ENGASE: variants seen among roughly 807,000 people sequenced by gnomAD.
The protein encoded by ENGASE is endo-beta-N-acetylglucosaminidase.
In ENGASE, 69 loss-of-function variants were observed where a neutral mutation model predicts 78.5. The observed-to-expected ratio is 0.88, with a 90% CI of 0.72 to 1.07. The LOEUF (loss-of-function observed/expected upper bound fraction) is 1.07, where lower values mean the gene tolerates loss of function less well. Among genes scored for constraint, ENGASE ranks in the 50% least tolerant of loss-of-function variants. The pLI is 0.00. For missense variants in ENGASE, 943 were observed against 988.4 expected (o/e 0.95, Z 0.62); for synonymous variants, 408 against 408.9 (o/e 1.00, Z 0.03).
chr17:79,081,129 T>C (rs1337606484), intron 6 of ENGASE, 56 bp downstream of exon 6: 8 of 744,808 alleles, frequency 1.1e-5, no homozygotes, highest in Non-Finnish European at 1.5e-5. Context: ...GGGCGGGTAC[T>C]GTGAGGGGTG....
Position 79,081,066 on chromosome 17 carries a change from C to T in ENGASE, c.865C>T (p.His289Tyr). The change falls in exon 6 of 14, where the codon CAC becomes TAC. Residue 289 changes from histidine (H) to tyrosine (Y), a missense_variant. Transcript: ENST00000579016. ...CAAATGGCAAGACGAACTCAACCAG[C>T]ACAACAGGTGAGCCTGCAGACAGGT... The part of the protein sequence containing the change: ...QLKWQDELNQ[H>Y]NRVFFDSCDG... The T allele has an allele frequency of 2.6e-6, 4 of 1,566,092 alleles. No homozygotes were observed. Among genetic ancestry groups the T allele is most frequent in the Non-Finnish European group, 3.5e-6 (4 of 1,152,310 alleles).
At position 79,083,874 on chromosome 17, in the gene ENGASE, G is replaced by A. The variant is rs1432190699; in HGVS notation, c.1365G>A (p.Leu455=). 1.2e-6 allele frequency: 2 copies of A among 1,612,612 alleles called. No homozygotes were observed. The highest frequency in any genetic ancestry group is 1.7e-5 in the Admixed American group (1 of 59,878). Residue 455 remains leucine (L), a synonymous_variant, in exon 10 of 14, where the codon CTG becomes CTA. Coordinates refer to ENST00000579016, the MANE Select transcript of ENGASE (RefSeq NM_001042573.3). The surrounding 1 kb of genome is among the most constrained non-coding windows in gnomAD (Gnocchi z 4.9). The part of the protein sequence containing the change: ...GRGWVRTHCC[L]EDAWHGGSSL... ...GCTGGGTGAGGACGCACTGCTGCCT[G>A]GAGGATGCCTGGCACGGAGGCAGCT...
chr17:79,077,451 G>A lies in ENGASE; in HGVS notation c.168G>A (p.Glu56=). Residue 56 remains glutamate (E), a synonymous_variant, in exon 2 of 14, where the codon GAG becomes GAA. Transcript: ENST00000579016. ...PGRSIKDEEE[E]TVFREVVSFS... ...TTAGCATCAAAGATGAAGAAGAAGA[G>A]ACAGTCTTTCGAGAGGTGGTCAGTT... The A allele has an allele frequency of 6.3e-7, 1 of 1,587,654 alleles. No individual in the cohort carries two copies. The highest frequency in any genetic ancestry group is 8.5e-7 in the Non-Finnish European group (1 of 1,171,614).
At chr17:79,084,433 A>G in intron 10 of ENGASE, 105 bp from the exon 11 acceptor site, 1 of 1,201,160 alleles carries the variant, frequency 8.3e-7, no homozygotes, top group South Asian at 1.7e-5. Flanking sequence ...TTTGGCACCC[A>G]GGCCCCCTGT....
At chr17:79,082,829 C>G in intron 7 of ENGASE, 191 bp from the exon 8 acceptor site, 1 of 1,527,818 alleles carries the variant, frequency 6.5e-7, no homozygotes, top group Non-Finnish European at 8.8e-7. Flanking sequence ...CCCGCGCCCT[C>G]TTCTGGCGGG....
intron 1 of ENGASE, among the ~76,000 whole-genome samples, chr17:79,076,593 G>A (rs1599330303): frequency 6.6e-6 from 1 of 152,274 alleles, no homozygotes; most frequent in East Asian, 1.9e-4. Context: ...AAAAGAAAGT[G>A]GTTTGAGATG....
At chr17:79,082,185 G>C (rs548593245) in intron 7 of ENGASE, 122 bp downstream of exon 7, 143 of 1,582,066 alleles carry the variant, frequency 9.0e-5, no homozygotes, top group Admixed American at 3.5e-4. Flanking sequence ...TCTTCCCAGA[G>C]TGGGGATCCC....
At chr17:79,081,840 G>T (rs541914209) in intron 6 of ENGASE, 58 bp from the exon 7 acceptor site, 5 of 1,553,432 alleles carry the variant, frequency 3.2e-6, no homozygotes, top group South Asian at 2.5e-5. Flanking sequence ...CAGGGTTGGT[G>T]GGGGTGGCCC....
In ENGASE at chr17:79,074,882, C is replaced by T. The variant is rs2145960756; in HGVS notation, c.-63C>T. The stretch of plus-strand genomic sequence containing the variant: ...GTCAGCGCTGCGCACTTCCCATTGG[C>T]CGAGCGCGGCGCGGGGGCGGGCCCG... On this transcript the variant is annotated 5_prime_UTR_variant, in exon 1 of 14. Transcript: ENST00000579016. 6.5e-6 allele frequency: 8 copies of T among 1,233,252 alleles called. No individual in the cohort carries two copies. In the South Asian group the frequency reaches 2.7e-4, roughly 41 times the overall value. 76.4% of individuals were successfully genotyped at this position (1,233,252 alleles called of 1,614,324 possible).
rs1482034982 is a variant in ENGASE, at chr17:79,083,846, G to A, written c.1337G>A (p.Arg446Gln). 9 of 1,612,460 alleles carry A rather than the reference G, an allele frequency of 5.6e-6. No homozygotes were observed. Among genetic ancestry groups the A allele is most frequent in the South Asian group, 3.3e-5 (3 of 90,986 alleles). Residue 446 changes from arginine to glutamine, a missense_variant, in exon 10 of 14, where the codon CGG (arginine) becomes CAG (glutamine). Transcript: ENST00000579016. The surrounding 1 kb of genome is among the most constrained non-coding windows in gnomAD (Gnocchi z 4.9). ...FGEHRLGGDG[R>Q]GWVRTHCCLE... ...GAACACAGGCTGGGAGGGGATGGCC[G>A]GGGCTGGGTGAGGACGCACTGCTGC... is the stretch of plus-strand genomic sequence containing the variant.
intron 6 of ENGASE, among the ~76,000 whole-genome samples, chr17:79,081,378 T>G (rs879677547): frequency 9.9e-5 from 15 of 152,238 alleles, no homozygotes; most frequent in African/African-American, 3.6e-4. Context: ...GGTGGGCACC[T>G]GTAGCCCCAG....
In ENGASE at chr17:79,083,203, T is replaced by A; in HGVS notation, c.1142+80T>A. Reference sequence around the variant, plus strand: ...TGGTGTCTCTGATAGGACACGTTTGTGCTCTTTAGTGACCCTTCCTATGGG... The same window carrying A: ...TGGTGTCTCTGATAGGACACGTTTGAGCTCTTTAGTGACCCTTCCTATGGG... On this transcript the variant is annotated intron_variant, in intron 8 of 13. Transcript: ENST00000579016. This position sits in a 1 kb window ranked among gnomAD's most constrained non-coding sequence, Gnocchi z 4.9. 3 of 1,063,762 alleles carry A rather than the reference T, an allele frequency of 2.8e-6. No homozygotes were observed. In the South Asian group the frequency reaches 4.1e-5, roughly 15 times the overall value. The allele number at this position is 1,063,762 out of a possible 1,614,324, so 65.9% of individuals were successfully genotyped here.
chr17:79,084,122 AC>A, intron 10 of ENGASE, 171 bp downstream of exon 10: 1 of 631,540 alleles, frequency 1.6e-6, no homozygotes, highest in Non-Finnish European at 2.7e-6. Context: ...CACCATCTTG[AC>A]CCTGTTGAAG....
In ENGASE at chr17:79,083,864, A is replaced by ACTG; in HGVS notation, c.1360_1362dup (p.Cys454dup). 6.2e-7 allele frequency: 1 copy of ACTG among 1,612,650 alleles called. No homozygotes were observed. Among genetic ancestry groups the ACTG allele is most frequent in the Non-Finnish European group, 8.5e-7 (1 of 1,179,816 alleles). ...GATGGCCGGGGCTGGGTGAGGACGC[A>ACTG]CTGCTGCCTGGAGGATGCCTGGCAC... On this transcript the variant is annotated inframe_insertion, in exon 10 of 14. Coordinates refer to ENST00000579016, the MANE Select transcript of ENGASE (RefSeq NM_001042573.3). The surrounding 1 kb of genome is among the most constrained non-coding windows in gnomAD (Gnocchi z 4.9).
At position 79,079,546 on chromosome 17, in the gene ENGASE, C is replaced by T. The variant is rs201681138; in HGVS notation, c.474C>T (p.Ile158=). ...ATGCTTTCTACCACTGGCAGTGCATCGACGTCTTTGTGTACTTCAGCCACC... is the reference window on the plus strand; with the variant it reads ...ATGCTTTCTACCACTGGCAGTGCATTGACGTCTTTGTGTACTTCAGCCACC... ...TPYAFYHWQC[I]DVFVYFSHHT... Residue 158 remains isoleucine (I), a synonymous_variant, in exon 4 of 14, where the codon ATC becomes ATT. Coordinates refer to ENST00000579016, the MANE Select transcript of ENGASE (RefSeq NM_001042573.3). The T allele has an allele frequency of 2.2e-5, 35 of 1,614,104 alleles. No homozygotes were observed. The Admixed American group carries it at 3.2e-4, about 15-fold the overall frequency.
chr17:79,081,156 G>A, intron 6 of ENGASE, 83 bp downstream of exon 6: 1 of 1,345,984 alleles, frequency 7.4e-7, no homozygotes, highest in South Asian at 1.4e-5. Context: ...GCAAGGGGCG[G>A]GCGCAGTCTC....
At chr17:79,085,902 T>C (rs1243634984) in intron 13 of ENGASE, 31 bp from the exon 14 acceptor site, 4 of 1,578,504 alleles carry the variant, frequency 2.5e-6, no homozygotes, top group Non-Finnish European at 3.4e-6. Flanking sequence ...CCCCCGGGCG[T>C]CCAGCCGTGC....
intron 12 of ENGASE, 31 bp downstream of exon 12, chr17:79,085,373 C>T: frequency 6.5e-7 from 1 of 1,539,786 alleles, no homozygotes; most frequent in South Asian, 1.2e-5. Context: ...ACGTCCTTCT[C>T]CCTCACTCAA....
At position 79,075,104 on chromosome 17, in the gene ENGASE, G is replaced by A. The variant is rs1297323820; in HGVS notation, c.146+14G>A. On this transcript the variant is annotated intron_variant, in intron 1 of 13. Transcript: ENST00000579016. ...GCCGGGAAGGAGGTGGGGCTGCGGGGCCCGCGTGAACCCCGATCCGCGGGG... is the reference window on the plus strand; with the variant it reads ...GCCGGGAAGGAGGTGGGGCTGCGGGACCCGCGTGAACCCCGATCCGCGGGG... 2.5e-6 allele frequency: 3 copies of A among 1,206,644 alleles called. No individual in the cohort carries two copies. Among genetic ancestry groups the A allele is most frequent in the Non-Finnish European group, 3.1e-6 (3 of 971,286 alleles). The allele number at this position is 1,206,644 out of a possible 1,614,324, so 74.7% of individuals were successfully genotyped here.
Sources: gnomAD v4.1 joint callset for allele counts (sites outside exome capture counted in the v4.1 genomes callset) on GRCh38, gnomAD v4.1.1 for gene constraint, Gnocchi (gnomAD v3.1) non-coding constraint, MANE v1.5 for transcripts, NCBI Gene and HGNC (gene_info 2026-07-23, HGNC 2026-07-21) for gene names.